The following TRHDE variants were observed in gnomAD, a reference collection of about 807,000 sequenced individuals.
TRHDE encodes thyrotropin-releasing hormone-degrading ectoenzyme.
In TRHDE, 72 loss-of-function variants were observed where a neutral mutation model predicts 125.7. The ratio of observed to expected loss-of-function variants is 0.57; its 90% CI spans 0.47 to 0.70. The LOEUF is 0.70. Among genes scored for constraint, TRHDE ranks in the 30% least tolerant of loss-of-function variants. The pLI is 0.00. For missense variants in TRHDE, 1,110 were observed against 1,327.1 expected, an observed-to-expected ratio of 0.84 and a Z score of 2.54; for synonymous variants, 509 against 509.1, an observed-to-expected ratio of 1.00 and a Z score of 0.00.
intron 2 of TRHDE, among the ~76,000 whole-genome samples, chr12:72,150,483 G>A (rs1281619470): frequency 1.3e-5 from 2 of 150,446 alleles, no homozygotes; most frequent in Admixed American, 1.3e-4. Flanking sequence ...GTGCCATGTT[G>A]GTGTGCTGCA....
intron 2 of TRHDE, among the ~76,000 whole-genome samples, chr12:72,231,631 T>TA (rs952195005): frequency 2.5e-4 from 38 of 152,092 alleles, no homozygotes; most frequent in African/African-American, 7.7e-4. Flanking sequence ...TGGTTACTTC[T>TA]AAAAAAAACT....
chr12:72,635,039 A>G lies in TRHDE; in HGVS notation c.2675+13288A>G, dbSNP rs1873672783. 1.6e-4 allele frequency among the ~76,000 whole-genome samples: 24 copies of G among 152,018 alleles called. No individual in the cohort carries two copies. The South Asian group carries it at 5.0e-3, about 32-fold the overall frequency. ...CCCAGTAATGGGATGGCTGGATCAA[A>G]TGGTATTTCTAGTTCTAGATCCCTG... On this transcript the variant is annotated intron_variant, in intron 15 of 18. Coordinates refer to ENST00000261180, the MANE Select transcript of TRHDE (RefSeq NM_013381.3).
At position 72,625,193 on chromosome 12, in the gene TRHDE, T is replaced by C. The variant is rs188896096; in HGVS notation, c.2675+3442T>C. Among the ~76,000 whole-genome samples, 355 of 152,040 alleles carry C rather than the reference T, an allele frequency of 2.3e-3. 2 individuals carry two copies. The highest frequency in any genetic ancestry group is 7.6e-3 in the African/African-American group (315 of 41,532). On this transcript the variant is annotated intron_variant, in intron 15 of 18. Transcript: ENST00000261180. Reference sequence around the variant, plus strand: ...GTATTATAGGGTTTTCTCTAAGTAATAAATTTGACCAGAAGTTAAATATGT... The same window carrying C: ...GTATTATAGGGTTTTCTCTAAGTAACAAATTTGACCAGAAGTTAAATATGT...
intron 6 of TRHDE, among the ~76,000 whole-genome samples, chr12:72,505,398 C>T (rs1476189908): frequency 2.6e-5 from 4 of 152,160 alleles, no homozygotes; most frequent in Non-Finnish European, 5.9e-5. Flanking sequence ...TTGAGACAGT[C>T]TCTTTGTTCT....
chr12:72,451,336 T>C (rs1423864572), intron 3 of TRHDE, among the ~76,000 whole-genome samples: 2 of 152,242 alleles, frequency 1.3e-5, no homozygotes, highest in African/African-American at 4.8e-5. Flanking sequence ...TTCATTATTC[T>C]GCATGTGGAT....
At chr12:72,374,292 AGTGTGTGT>A (rs148577049) in intron 2 of TRHDE, among the ~76,000 whole-genome samples, 4,136 of 134,056 alleles carry the variant, frequency 0.031, 209 homozygotes, top group African/African-American at 0.11. Context: ...TAGAAGGAGA[AGTGTGTGT>A]GTGTGTGTGT....
At chr12:72,130,162 C>T (rs184659769) in intron 2 of TRHDE, among the ~76,000 whole-genome samples, 189 of 151,910 alleles carry the variant, frequency 1.2e-3, no homozygotes, top group African/African-American at 4.2e-3. Context: ...TAGCCAGGCG[C>T]GGTGGTGGGT....
chr12:72,628,602 AG>A, intron 15 of TRHDE, among the ~76,000 whole-genome samples: 2 of 152,002 alleles, frequency 1.3e-5, no homozygotes, highest in Non-Finnish European at 2.9e-5. Flanking sequence ...CCTTCATCAA[AG>A]CTTTAGAGGA....
At chr12:72,446,079 T>C (rs1347504406) in intron 3 of TRHDE, among the ~76,000 whole-genome samples, 1 of 151,782 alleles carries the variant, frequency 6.6e-6, no homozygotes, top group Non-Finnish European at 1.5e-5. Flanking sequence ...TTAATTTACA[T>C]GTGAATCACC....
intron 2 of TRHDE, among the ~76,000 whole-genome samples, chr12:72,289,387 A>C (rs946278630): frequency 6.6e-6 from 1 of 152,204 alleles, no homozygotes; most frequent in Non-Finnish European, 1.5e-5. Context: ...AAGATTAAAA[A>C]AAAATCTAAA....
chr12:72,197,212 A>G (rs1380014108), intron 2 of TRHDE, among the ~76,000 whole-genome samples: 1 of 152,046 alleles, frequency 6.6e-6, no homozygotes. Context: ...ATACATGCTC[A>G]TGGCGTGTTT....
chr12:72,240,679 C>T (rs1179026417), intron 2 of TRHDE, among the ~76,000 whole-genome samples: 1 of 151,966 alleles, frequency 6.6e-6, no homozygotes, highest in Non-Finnish European at 1.5e-5. Context: ...ACGCCATTCT[C>T]CTGCCTCAGC....
At chr12:72,469,948 AAAGC>A in intron 4 of TRHDE, 36 bp downstream of exon 4, 1 of 1,592,360 alleles carries the variant, frequency 6.3e-7, no homozygotes, top group Non-Finnish European at 8.5e-7. Context: ...GTATAATGTG[AAAGC>A]TATTGAAAAT....
intron 2 of TRHDE, among the ~76,000 whole-genome samples, chr12:72,222,503 A>T (rs1165297476): frequency 7.2e-6 from 1 of 139,446 alleles, no homozygotes; most frequent in Non-Finnish European, 1.6e-5. Flanking sequence ...AGATTTCTGG[A>T]TCCTTTGGCT....
intron 2 of TRHDE, among the ~76,000 whole-genome samples, chr12:72,344,424 G>T (rs1420627382): frequency 6.6e-6 from 1 of 152,080 alleles, no homozygotes; most frequent in Non-Finnish European, 1.5e-5. Context: ...TGCTGCTGAG[G>T]AAGTTAAAGC....
intron 1 of TRHDE, among the ~76,000 whole-genome samples, chr12:72,276,377 T>C (rs913108509): frequency 1.3e-5 from 2 of 152,244 alleles, no homozygotes; most frequent in Non-Finnish European, 2.9e-5. Flanking sequence ...GGAAGTCATA[T>C]TGAGCAACTT....
intron 12 of TRHDE, among the ~76,000 whole-genome samples, chr12:72,617,330 C>A (rs948522762): frequency 6.6e-6 from 1 of 152,028 alleles, no homozygotes; most frequent in African/African-American, 2.4e-5. Context: ...AACTGCAGCA[C>A]CCTCTTCAGA....
chr12:72,471,808 C>T (rs1214197402), intron 4 of TRHDE, among the ~76,000 whole-genome samples: 1 of 152,190 alleles, frequency 6.6e-6, no homozygotes, highest in Non-Finnish European at 1.5e-5. Flanking sequence ...ACTATTGAAA[C>T]TGTCAGCCAA....
intron 2 of TRHDE, among the ~76,000 whole-genome samples, chr12:72,180,000 TAATA>T (rs780775892): frequency 1.3e-5 from 2 of 151,886 alleles, no homozygotes; most frequent in Non-Finnish European, 2.9e-5. Context: ...TAATACTATC[TAATA>T]AATAATTACT....
Sources: allele counts gnomAD v4.1 joint callset (sites outside exome capture counted in the v4.1 genomes callset), GRCh38; gene constraint gnomAD v4.1.1; transcripts MANE v1.5; gene names NCBI Gene and HGNC (gene_info 2026-07-23, HGNC 2026-07-21).